Variants in HTR1F observed in about 807,000 individuals in gnomAD.
HTR1F encodes 5-hydroxytryptamine receptor 1F.
HTR1F carries 17 observed loss-of-function variants against 24.0 expected under a neutral mutation model. The observed-to-expected ratio is 0.71, with a 90% CI of 0.48 to 1.06. The LOEUF (loss-of-function observed/expected upper bound fraction) is 1.06, where lower values mean the gene tolerates loss of function less well. HTR1F is among the 50% of genes least tolerant of loss of function. The pLI is 0.00. For missense variants in HTR1F, 391 were observed against 427.8 expected, an observed-to-expected ratio of 0.91 and a Z score of 0.76; for synonymous variants, 186 against 156.8, an observed-to-expected ratio of 1.19 and a Z score of -1.39.
chr3:87,954,837 G>C (rs2107468474), intron 2 of HTR1F, among the ~76,000 whole-genome samples: 1 of 151,590 alleles, frequency 6.6e-6, no homozygotes, highest in Non-Finnish European at 1.5e-5. Flanking sequence ...CTTTTTTAAA[G>C]TAGTGAAAGG....
chr3:87,820,216 G>T (rs1256661450), intron 1 of HTR1F, among the ~76,000 whole-genome samples: 7 of 133,670 alleles, frequency 5.2e-5, no homozygotes, highest in African/African-American at 1.7e-4. Flanking sequence ...TCGCTCTGTC[G>T]CCCAGGCTGG....
intron 2 of HTR1F, among the ~76,000 whole-genome samples, chr3:87,828,913 A>G (rs1051129284): frequency 6.6e-5 from 10 of 152,180 alleles, no homozygotes; most frequent in African/African-American, 2.4e-4. Flanking sequence ...AACAAAACAA[A>G]GAAATGTTTC....
chr3:87,934,919 G>A (rs1395359320), intron 2 of HTR1F, among the ~76,000 whole-genome samples: 3 of 152,174 alleles, frequency 2.0e-5, no homozygotes, highest in African/African-American at 4.8e-5. Context: ...AAGCTAGAGT[G>A]CAGTGGCATC....
chr3:87,919,681 C>A (rs1439816783), intron 2 of HTR1F, among the ~76,000 whole-genome samples: 2 of 152,034 alleles, frequency 1.3e-5, no homozygotes, highest in African/African-American at 4.8e-5. Flanking sequence ...CCACCTTACT[C>A]CAGCAAGAAT....
rs1705808537 is a variant in HTR1F, at chr3:87,990,936, T to G, written c.187T>G (p.Cys63Gly). ...GCACCATCCAGCCAATTATTTAATT[T>G]GTTCCCTTGCAGTCACAGATTTTCT... Reference protein sequence around the residue: ...KLHHPANYLICSLAVTDFLVA... With the variant: ...KLHHPANYLIGSLAVTDFLVA... The change falls in exon 3 of 3, where the codon TGT becomes GGT. Residue 63 changes from cysteine to glycine, a missense_variant. Transcript: ENST00000319595. 1.2e-6 allele frequency: 2 copies of G among 1,614,180 alleles called. No individual in the cohort carries two copies. Among genetic ancestry groups the G allele is most frequent in the Non-Finnish European group, 1.7e-6 (2 of 1,180,032 alleles).
chr3:87,859,820 C>G (rs1447496216), intron 2 of HTR1F, among the ~76,000 whole-genome samples: 18 of 152,184 alleles, frequency 1.2e-4, no homozygotes, highest in Non-Finnish European at 1.5e-5. Flanking sequence ...CAAGTTCAGT[C>G]TCCTTTCAGG....
At chr3:87,817,249 GT>G (rs1281984064) in intron 1 of HTR1F, among the ~76,000 whole-genome samples, 9 of 152,156 alleles carry the variant, frequency 5.9e-5, no homozygotes, top group Non-Finnish European at 8.8e-5. Context: ...CAGATACTCC[GT>G]TTGGCAATGC....
rs1213176607 is a variant in HTR1F, at chr3:87,869,406, T to C, written c.-43+47282T>C. On this transcript the variant is annotated intron_variant, in intron 2 of 2. Transcript: ENST00000319595. The stretch of plus-strand genomic sequence containing the variant: ...ATAGACAAACAGATAGATAGATAGA[T>C]AGATAGATAGATAGATAGATAGATA... Among the ~76,000 whole-genome samples the C allele has an allele frequency of 2.2e-5, 3 of 138,224 alleles. No individual in the cohort carries two copies. In the East Asian group the frequency reaches 6.1e-4, roughly 28 times the overall value. The allele number at this position is 138,224 out of a possible 152,430, so 90.7% of individuals were successfully genotyped here. A position where few individuals can be genotyped will look rare whatever the true frequency, so the allele number is the denominator to read the frequency against.
At chr3:87,982,212 T>C (rs1199054676) in intron 2 of HTR1F, among the ~76,000 whole-genome samples, 1 of 152,232 alleles carries the variant, frequency 6.6e-6, no homozygotes, top group Non-Finnish European at 1.5e-5. Context: ...CATAAGCCAC[T>C]GTGCCCTGCC....
At chr3:87,945,783 G>A (rs990889957) in intron 2 of HTR1F, among the ~76,000 whole-genome samples, 3 of 152,118 alleles carry the variant, frequency 2.0e-5, no homozygotes, top group African/African-American at 7.2e-5. Context: ...AGGAAGGATA[G>A]GACAGAATAG....
chr3:87,919,093 T>C (rs1703955848), intron 2 of HTR1F, among the ~76,000 whole-genome samples: 1 of 152,002 alleles, frequency 6.6e-6, no homozygotes, highest in Non-Finnish European at 1.5e-5. Context: ...AACTGATCTT[T>C]GACAAAGCAA....
At chr3:87,833,817 T>C (rs1173383196) in intron 2 of HTR1F, among the ~76,000 whole-genome samples, 1 of 151,014 alleles carries the variant, frequency 6.6e-6, no homozygotes, top group Non-Finnish European at 1.5e-5. Context: ...TATAAAGCCC[T>C]TTTTTTTTAA....
Position 87,842,095 on chromosome 3 carries a change from T to C in HTR1F, c.-43+19971T>C, listed in dbSNP as rs1433028353. 2.0e-5 allele frequency among the ~76,000 whole-genome samples: 3 copies of C among 151,932 alleles called. No individual in the cohort carries two copies. The East Asian group carries it at 5.8e-4, about 29-fold the overall frequency. ...CCATTAAGGTTACATTGTATACTTA[T>C]TCTTCTGGAAAATGAAAAATCTCTG... On this transcript the variant is annotated intron_variant, in intron 2 of 2. Coordinates refer to ENST00000319595, the MANE Select transcript of HTR1F (RefSeq NM_001322209.2).
intron 2 of HTR1F, among the ~76,000 whole-genome samples, chr3:87,883,081 C>T (rs1705846233): frequency 6.6e-6 from 1 of 152,086 alleles, no homozygotes; most frequent in Admixed American, 6.6e-5. Flanking sequence ...GGGTGCCCCT[C>T]TGGGATGAAG....
intron 2 of HTR1F, among the ~76,000 whole-genome samples, chr3:87,985,897 A>G (rs1322546979): frequency 6.6e-6 from 1 of 152,254 alleles, no homozygotes; most frequent in African/African-American, 2.4e-5. Flanking sequence ...GAGTAAGCAG[A>G]GGAGTAAATG....
chr3:87,873,726 A>C (rs1705609514), intron 2 of HTR1F, among the ~76,000 whole-genome samples: 1 of 152,238 alleles, frequency 6.6e-6, no homozygotes, highest in South Asian at 2.1e-4. Context: ...AAGATTATAC[A>C]TCATGACCAA....
At chr3:87,882,808 A>T (rs2107284726) in intron 2 of HTR1F, among the ~76,000 whole-genome samples, 1 of 152,162 alleles carries the variant, frequency 6.6e-6, no homozygotes, top group East Asian at 1.9e-4. Flanking sequence ...ATACATATGT[A>T]ACTAACCTGC....
At chr3:87,919,005 G>A (rs540670722) in intron 2 of HTR1F, among the ~76,000 whole-genome samples, 27 of 152,052 alleles carry the variant, frequency 1.8e-4, no homozygotes, top group East Asian at 1.2e-3. Flanking sequence ...CCAAAACAGC[G>A]TGGTACTGGT....
intron 2 of HTR1F, among the ~76,000 whole-genome samples, chr3:87,981,347 G>A (rs1366991125): frequency 1.3e-5 from 2 of 151,928 alleles, no homozygotes; most frequent in Admixed American, 6.6e-5. Context: ...GCCACACACT[G>A]CCATACCCGG....
Sources: gnomAD v4.1 joint callset for allele counts (sites outside exome capture counted in the v4.1 genomes callset) on GRCh38, gnomAD v4.1.1 for gene constraint, MANE v1.5 for transcripts, NCBI Gene and HGNC (gene_info 2026-07-23, HGNC 2026-07-21) for gene names.